TSC2: variants seen among roughly 807,000 people sequenced by gnomAD.
The protein encoded by TSC2 is TSC complex subunit 2, also known as tuberin.
TSC2 carries 29 observed loss-of-function variants against 202.2 expected under a neutral mutation model. The observed-to-expected ratio is 0.14, with a 90% confidence interval of 0.11 to 0.20. TSC2 has a LOEUF of 0.20. Among genes scored for constraint, TSC2 ranks in the 10% least tolerant of loss-of-function variants. The probability of loss-of-function intolerance (pLI) is 1.00; values close to 1 mark genes in which losing one functional copy is unlikely to be tolerated. For missense variants in TSC2, 2,429 were observed against 2,420.0 expected (o/e 1.00, Z -0.08); for synonymous variants, 1,349 against 1,044.0 (o/e 1.29, Z -5.63).
Position 2,079,730 on chromosome 16 carries a change from C to T in TSC2, c.3397+61C>T, listed in dbSNP as rs2089892726. 33 of 1,505,830 alleles carry T rather than the reference C, an allele frequency of 2.2e-5. No individual in the cohort carries two copies. Among genetic ancestry groups the T allele is most frequent in the Non-Finnish European group, 2.8e-5 (31 of 1,117,248 alleles). The allele number at this position is 1,505,830 out of a possible 1,614,324, so 93.3% of individuals were successfully genotyped here. A position where few individuals can be genotyped will look rare whatever the true frequency, so the allele number is the denominator to read the frequency against. ...CGGGGCTCCCTCAGTTGCTGCTGGT[C>T]CCAGTGTTCAGGAAGGCCCCGAGCC... On this transcript the variant is annotated intron_variant, in intron 29 of 41. Coordinates refer to ENST00000219476, the MANE Select transcript of TSC2 (RefSeq NM_000548.5). The surrounding 1 kb of genome is among the most constrained non-coding windows in gnomAD (Gnocchi z 4.6).
Position 2,080,620 on chromosome 16 carries a change from A to G in TSC2, c.3610+243A>G, listed in dbSNP as rs1474901282. ...TGCCTCAGCCTCCCGAGTAGCTGGG[A>G]CCACAGGCGCCCGCCACCACGCCTG... On this transcript the variant is annotated intron_variant, in intron 30 of 41. Transcript: ENST00000219476. 9.3e-6 allele frequency: 5 copies of G among 536,454 alleles called. No homozygotes were observed. In the Admixed American group the frequency reaches 1.6e-4, roughly 17 times the overall value. 33.2% of individuals were successfully genotyped at this position (536,454 alleles called of 1,614,324 possible). A position where few individuals can be genotyped will look rare whatever the true frequency, so the allele number is the denominator to read the frequency against.
At chr16:2,051,754 A>G (rs574697712) in intron 3 of TSC2, among the ~76,000 whole-genome samples, 10 of 152,266 alleles carry the variant, frequency 6.6e-5, no homozygotes, top group African/African-American at 2.2e-4. Flanking sequence ...GTACGCTACC[A>G]AAGATAGGTG....
intron 30 of TSC2, 44 bp downstream of exon 30, chr16:2,080,421 C>T: frequency 1.9e-6 from 3 of 1,602,872 alleles, no homozygotes; most frequent in Non-Finnish European, 2.6e-6. Context: ...CTGCCAGTCA[C>T]CCACAGAGCT....
At chr16:2,058,607 C>G in intron 9 of TSC2, 140 bp from the exon 10 acceptor site, 1 of 1,322,776 alleles carries the variant, frequency 7.6e-7, no homozygotes, top group Non-Finnish European at 1.0e-6. Flanking sequence ...GTTCCCTGCC[C>G]TTCCCCAGCG....
intron 12 of TSC2, 75 bp from the exon 13 acceptor site, chr16:2,062,422 C>T (rs1567430156): frequency 1.4e-6 from 2 of 1,434,854 alleles, no homozygotes; most frequent in African/African-American, 2.8e-5. Context: ...AAACCAGCCT[C>T]TCGACCAGCA....
Position 2,072,991 on chromosome 16 carries a change from G to A in TSC2, c.2355+8G>A, listed in dbSNP as rs199558375. ...CTGGACAAAACCAAACAGGTAGGAG[G>A]TCAGAGCAGGACAGGCGAGCTTGAT... On this transcript the variant is annotated splice_region_variant and intron_variant, in intron 21 of 41. Coordinates refer to ENST00000219476, the MANE Select transcript of TSC2 (RefSeq NM_000548.5). The A allele has an allele frequency of 9.3e-6, 15 of 1,613,216 alleles. No homozygotes were observed. In the East Asian group the frequency reaches 2.0e-4, roughly 22 times the overall value.
At chr16:2,083,327 C>T in intron 32 of TSC2, 1 of 459,008 alleles carries the variant, frequency 2.2e-6, no homozygotes. Flanking sequence ...CTCCGCAGCT[C>T]TCCTCGGTTA....
chr16:2,053,899 T>G, intron 4 of TSC2: 2 of 446,562 alleles, frequency 4.5e-6, no homozygotes, highest in Non-Finnish European at 8.8e-6. Flanking sequence ...TACTCCTTCA[T>G]GTCCCAGCTG....
chr16:2,087,723 C>T (rs1330633474), intron 38 of TSC2, 140 bp from the exon 39 acceptor site: 1 of 1,080,182 alleles, frequency 9.3e-7, no homozygotes, highest in African/African-American at 1.6e-5. Context: ...CAAACACAGC[C>T]CCGCTGCCAG....
Position 2,061,668 on chromosome 16 carries a change from G to A in TSC2, c.1120-203G>A, listed in dbSNP as rs545287994. The stretch of plus-strand genomic sequence containing the variant: ...GTCCTGGGCCACGTGGGTCAGGGTG[G>A]CCCCTGGAGAGGATCTGGGGGTGTC... On this transcript the variant is annotated intron_variant, in intron 11 of 41. Transcript: ENST00000219476. 38 of 783,728 alleles carry A rather than the reference G, an allele frequency of 4.8e-5. 1 individual carries two copies. The South Asian group carries it at 5.2e-4, about 11-fold the overall frequency. 48.5% of individuals were successfully genotyped at this position (783,728 alleles called of 1,614,324 possible). A position where few individuals can be genotyped will look rare whatever the true frequency, so the allele number is the denominator to read the frequency against.
intron 9 of TSC2, among the ~76,000 whole-genome samples, chr16:2,058,172 G>A (rs1027419254): frequency 1.0e-4 from 12 of 114,800 alleles, no homozygotes; most frequent in African/African-American, 3.7e-4. Context: ...GGCCCTGGGG[G>A]CCAGCCCTGC....
chr16:2,082,088 C>T (rs1017095876), intron 31 of TSC2: 32 of 589,038 alleles, frequency 5.4e-5, no homozygotes, highest in Admixed American at 3.9e-4. Context: ...GGAGGCTCTG[C>T]GGCAGCCTCC....
In TSC2 at chr16:2,084,578, G is replaced by A. The variant is rs779122170; in HGVS notation, c.4356G>A (p.Ser1452=). ...EGPLPSSSPR[S]PSGLRPRGYT... ...CCTTGCCTTCCAGCTCCCCCCGCTC[G>A]CCCAGTGGCCTCCGGCCCCGAGGTT... Residue 1452 remains serine (S), a synonymous_variant, in exon 34 of 42, where the codon TCG becomes TCA. Transcript: ENST00000219476. The A allele has an allele frequency of 4.1e-5, 66 of 1,606,724 alleles. No homozygotes were observed. Among genetic ancestry groups the A allele is most frequent in the Non-Finnish European group, 5.3e-5 (62 of 1,179,654 alleles).
chr16:2,065,673 G>C, intron 16 of TSC2, 38 bp downstream of exon 16: 3 of 1,554,768 alleles, frequency 1.9e-6, no homozygotes, highest in Non-Finnish European at 2.7e-6. Context: ...CCCGGGGCGC[G>C]CATGGCTAGC....
intron 38 of TSC2, 98 bp downstream of exon 38, chr16:2,086,969 A>C: frequency 6.6e-7 from 1 of 1,521,066 alleles, no homozygotes; most frequent in Non-Finnish European, 8.9e-7. Flanking sequence ...TTCGGTCACG[A>C]GGAGCAGGAG....
rs2151210021 is a variant in TSC2, at chr16:2,065,611, C to G, written c.1692C>G (p.Val564=). The G allele has an allele frequency of 6.2e-7, 1 of 1,613,758 alleles. No individual in the cohort carries two copies. Among genetic ancestry groups the G allele is most frequent in the Non-Finnish European group, 8.5e-7 (1 of 1,180,008 alleles). The change falls in exon 16 of 42, where the codon GTC becomes GTG. Residue 564 remains valine (V), a synonymous_variant. Coordinates refer to ENST00000219476, the MANE Select transcript of TSC2 (RefSeq NM_000548.5). ...SASLEDVKTA[V]LGLLVILQTK... is the part of the protein sequence containing the mutation. ...CCTTGGAGGATGTGAAGACAGCCGT[C>G]CTGGGGCTTCTGGTCATCCTTCAGG...
At position 2,062,909 on chromosome 16, in the gene TSC2, C is replaced by T. The variant is rs1027633574; in HGVS notation, c.1362-63C>T. On this transcript the variant is annotated intron_variant, in intron 13 of 41. Transcript: ENST00000219476. ...GTCGGGCTGGCCTGCGCCAGGCAGA[C>T]GGGCTGGTGTGGGGCTGTGGCCGGG... is the stretch of plus-strand genomic sequence containing the variant. The T allele has an allele frequency of 2.3e-5, 35 of 1,522,754 alleles. 1 individual carries two copies. The highest frequency in any genetic ancestry group is 2.2e-4 in the Middle Eastern group (1 of 4,544). The allele number at this position is 1,522,754 out of a possible 1,614,324, so 94.3% of individuals were successfully genotyped here.
intron 26 of TSC2, chr16:2,078,725 A>G (rs1270921895): frequency 2.2e-6 from 1 of 455,444 alleles, no homozygotes; most frequent in Non-Finnish European, 4.1e-6. Context: ...GCATGACTAC[A>G]CCGTTTCGCC....
intron 16 of TSC2, among the ~76,000 whole-genome samples, chr16:2,067,957 C>A (rs1321698568): frequency 6.6e-6 from 1 of 152,194 alleles, no homozygotes; most frequent in Non-Finnish European, 1.5e-5. Context: ...ACTTGGAACT[C>A]CAGCCCTGGA....
Sources: gnomAD v4.1 joint callset for allele counts (sites outside exome capture counted in the v4.1 genomes callset) on GRCh38, gnomAD v4.1.1 for gene constraint, Gnocchi (gnomAD v3.1) non-coding constraint, MANE v1.5 for transcripts, NCBI Gene and HGNC (gene_info 2026-07-23, HGNC 2026-07-21) for gene names.